SMARCA2: variants seen among roughly 807,000 people sequenced by gnomAD.
SMARCA2 encodes the protein SWI/SNF-related matrix-associated actin-dependent regulator of chromatin subfamily A member 2.
In SMARCA2, 61 loss-of-function variants were observed where a neutral mutation model predicts 199.8. That is an observed-to-expected ratio of 0.31 (90% confidence interval 0.25 to 0.38). The LOEUF is 0.38. SMARCA2 is among the 10% of genes least tolerant of loss of function. The pLI is 1.00. For synonymous variants in SMARCA2, 935 were observed against 732.0 expected (o/e 1.28, Z -4.48); for missense variants, 1,344 against 2,012.2 (o/e 0.67, Z 6.35).
At chr9:2,183,391 C>G (rs1297170863) in intron 31 of SMARCA2, among the ~76,000 whole-genome samples, 1 of 152,202 alleles carries the variant, frequency 6.6e-6, no homozygotes, top group East Asian at 1.9e-4. Flanking sequence ...TATAAATGAA[C>G]TGAATTTATT....
At chr9:2,045,199 G>A (rs1021327035) in intron 4 of SMARCA2, 4 of 152,188 alleles carry the variant, frequency 2.6e-5, no homozygotes, top group South Asian at 2.1e-4. Flanking sequence ...TAATTCTTCC[G>A]ATATTATCAG....
Position 2,086,793 on chromosome 9 carries a change from G to C in SMARCA2, c.2527-36G>C. The C allele has an allele frequency of 6.2e-7, 1 of 1,611,318 alleles. No homozygotes were observed. The highest frequency in any genetic ancestry group is 8.5e-7 in the Non-Finnish European group (1 of 1,178,464). On this transcript the variant is annotated intron_variant, in intron 17 of 33. Transcript: ENST00000349721. This position sits in a 1 kb window ranked among gnomAD's most constrained non-coding sequence, Gnocchi z 4.3. ...GTTGGAAATAGTTGTATTTTCCCTT[G>C]CTTACTACACGTCCGTCCTTCCTCT...
intron 29 of SMARCA2, among the ~76,000 whole-genome samples, chr9:2,180,146 C>G (rs1044219224): frequency 2.0e-5 from 3 of 152,092 alleles, no homozygotes; most frequent in East Asian, 1.9e-4. Flanking sequence ...CTGCAGTGAT[C>G]CAGAAATCCA....
At chr9:2,020,022 A>G (rs1380484097) in intron 1 of SMARCA2, among the ~76,000 whole-genome samples, 1 of 152,200 alleles carries the variant, frequency 6.6e-6, no homozygotes, top group African/African-American at 2.4e-5. Flanking sequence ...GAGTGTTGGT[A>G]GGACCTGATT....
chr9:2,166,908 G>A (rs190627637), intron 28 of SMARCA2, among the ~76,000 whole-genome samples: 5 of 152,122 alleles, frequency 3.3e-5, no homozygotes, highest in African/African-American at 9.7e-5. Flanking sequence ...AAACCCTGCC[G>A]AAAAAGTGAA....
At chr9:2,114,253 G>A (rs187924882) in intron 24 of SMARCA2, among the ~76,000 whole-genome samples, 1 of 152,198 alleles carries the variant, frequency 6.6e-6, no homozygotes, top group African/African-American at 2.4e-5. Flanking sequence ...ATCTAATATA[G>A]ATGGGTCCCA....
At chr9:2,118,326 T>C (rs546170796) in intron 25 of SMARCA2, among the ~76,000 whole-genome samples, 1 of 152,346 alleles carries the variant, frequency 6.6e-6, no homozygotes, top group South Asian at 2.1e-4. Flanking sequence ...AAATAATTAT[T>C]ATCTTGAATT....
chr9:2,029,230 A>G lies in SMARCA2; in HGVS notation c.208A>G (p.Met70Val), dbSNP rs143478968. Residue 70 changes from methionine (M) to valine (V), a missense_variant, in exon 2 of 34, where the codon ATG (methionine) becomes GTG (valine). Met to Val is a conservative substitution (Grantham distance 21, BLOSUM62 1). This residue lies in a region of SMARCA2 where 275 missense variants were observed against 247.5 expected (regional missense o/e 1.11). Coordinates refer to ENST00000349721, the MANE Select transcript of SMARCA2 (RefSeq NM_003070.5). ...GTCCACAGACTTCCCACAGGAAGGC[A>G]TGCATCAAATGCATAAGGTAAGAGT... ...MGSTDFPQEG[M>V]HQMHKPIDGI... is the part of the protein sequence containing the mutation. 6.2e-7 allele frequency: 1 copy of G among 1,611,302 alleles called. No homozygotes were observed. Among genetic ancestry groups the G allele is most frequent in the African/African-American group, 1.3e-5 (1 of 74,912 alleles).
intron 29 of SMARCA2, among the ~76,000 whole-genome samples, chr9:2,180,993 G>T (rs754386238): frequency 6.6e-6 from 1 of 152,086 alleles, no homozygotes; most frequent in Non-Finnish European, 1.5e-5. Context: ...AATAATAAAG[G>T]TATGTGTGGT....
chr9:2,187,931 T>A (rs55811236), intron 32 of SMARCA2, among the ~76,000 whole-genome samples: 5,432 of 152,102 alleles, frequency 0.036, 119 homozygotes, highest in African/African-American at 0.056. Context: ...GCCACAAAAC[T>A]GTGTGCTATG....
intron 6 of SMARCA2, among the ~76,000 whole-genome samples, chr9:2,055,866 T>C (rs942634513): frequency 2.6e-5 from 4 of 152,220 alleles, no homozygotes; most frequent in East Asian, 3.8e-4. Flanking sequence ...CCGGAATATG[T>C]TTATGTTCAA....
At chr9:2,182,288 C>T (rs760058839) in intron 31 of SMARCA2, 46 bp downstream of exon 31, 2 of 1,146,002 alleles carry the variant, frequency 1.7e-6, no homozygotes, top group Non-Finnish European at 2.6e-6. Context: ...GTAAATGTGC[C>T]CGTTGTTCTT....
intron 29 of SMARCA2, among the ~76,000 whole-genome samples, chr9:2,174,774 GGTGGGT>G (rs1826445050): frequency 6.6e-6 from 1 of 151,636 alleles, no homozygotes; most frequent in Non-Finnish European, 1.5e-5. Flanking sequence ...GCAAAAATGA[GGTGGGT>G]GTGGTGGCAT....
intron 27 of SMARCA2, among the ~76,000 whole-genome samples, chr9:2,128,344 C>T (rs1206751896): frequency 6.6e-6 from 1 of 152,192 alleles, no homozygotes; most frequent in Non-Finnish European, 1.5e-5. Context: ...AATCTGGAGC[C>T]TGGCCACAGG....
In SMARCA2 at chr9:2,119,508, A is replaced by G. The variant is rs1274364565; in HGVS notation, c.3735A>G (p.Arg1245=). 1 of 1,612,876 alleles carries G rather than the reference A, an allele frequency of 6.2e-7. No homozygotes were observed. Among genetic ancestry groups the G allele is most frequent in the African/African-American group, 1.3e-5 (1 of 75,018 alleles). The change falls in exon 26 of 34, where the codon CGA becomes CGG. Residue 1245 remains arginine (R), a synonymous_variant. Transcript: ENST00000349721. The surrounding 1 kb of genome is among the most constrained non-coding windows in gnomAD (Gnocchi z 4.6). ...AGACTCTGAACCAAATGATTGCTCG[A>G]CGAGAAGAAGAATTTGACCTTTTTA... The part of the protein sequence containing the change: ...DDETLNQMIA[R]REEEFDLFMR...
At chr9:2,057,210 G>C (rs1820392873) in intron 7 of SMARCA2, among the ~76,000 whole-genome samples, 1 of 152,212 alleles carries the variant, frequency 6.6e-6, no homozygotes, top group Non-Finnish European at 1.5e-5. Context: ...TACTAGCATG[G>C]CTGGGCTCTG....
At chr9:2,100,254 G>A (rs1236035292) in intron 21 of SMARCA2, among the ~76,000 whole-genome samples, 2 of 152,206 alleles carry the variant, frequency 1.3e-5, no homozygotes, top group African/African-American at 2.4e-5. Flanking sequence ...GGAGAAATGC[G>A]TGGAAAACAG....
Position 2,070,399 on chromosome 9 carries a change from C to A in SMARCA2, c.1693-19C>A. On this transcript the variant is annotated intron_variant, in intron 9 of 33. Transcript: ENST00000349721. ...CATCATCTTGGTTACTTATAACATT[C>A]GACATTGTTGTTTTGCAGAAGGCTG... The A allele has an allele frequency of 1.2e-6, 2 of 1,611,230 alleles. No individual in the cohort carries two copies. The highest frequency in any genetic ancestry group is 1.7e-6 in the Non-Finnish European group (2 of 1,177,586).
intron 27 of SMARCA2, among the ~76,000 whole-genome samples, chr9:2,125,572 C>T (rs933716405): frequency 1.3e-5 from 2 of 151,478 alleles, no homozygotes; most frequent in East Asian, 3.9e-4. Flanking sequence ...TCAGTGCAAC[C>T]TCTGCCTACC....
Sources: allele counts gnomAD v4.1 joint callset (sites outside exome capture counted in the v4.1 genomes callset), GRCh38; gene constraint gnomAD v4.1.1; regional missense constraint gnomAD v4.1.1; non-coding constraint Gnocchi (gnomAD v3.1); transcripts MANE v1.5; gene names NCBI Gene and HGNC (gene_info 2026-07-23, HGNC 2026-07-21).